PRSS55: variants seen among roughly 807,000 people sequenced by gnomAD.
PRSS55 encodes serine protease 55, also known as probable serine protease UNQ9391/PRO34284.
A neutral mutation model predicts 23.6 loss-of-function variants in PRSS55; 41 were observed. That is an observed-to-expected ratio of 1.74 (90% CI 1.35 to 2.26). PRSS55 has a LOEUF of 2.26. PRSS55 is among the 30% of genes most tolerant of loss of function. The pLI, the probability that PRSS55 is intolerant of heterozygous loss-of-function variation, is 0.00. For missense variants in PRSS55, 669 were observed against 439.1 expected (o/e 1.52, Z -4.68); for synonymous variants, 262 against 175.5 (o/e 1.49, Z -3.90).
chr8:10,550,308 C>A (rs568883068), intron 4 of PRSS55, among the ~76,000 whole-genome samples: 51 of 152,306 alleles, frequency 3.3e-4, no homozygotes, highest in African/African-American at 1.2e-3. Context: ...GGGTCTAGAA[C>A]TCCCAGCTCC....
At chr8:10,551,218 C>A (rs144436922) in intron 4 of PRSS55, among the ~76,000 whole-genome samples, 1 of 152,182 alleles carries the variant, frequency 6.6e-6, no homozygotes, top group African/African-American at 2.4e-5. Flanking sequence ...AGGAAGCAAT[C>A]GGGCACACAG....
At chr8:10,553,283 C>G (rs551982506) in intron 4 of PRSS55, among the ~76,000 whole-genome samples, 1 of 152,182 alleles carries the variant, frequency 6.6e-6, no homozygotes, top group African/African-American at 2.4e-5. Flanking sequence ...TGAGGCCTCT[C>G]CAGTCATGTG....
At chr8:10,553,012 T>C (rs1812984356) in intron 4 of PRSS55, among the ~76,000 whole-genome samples, 2 of 152,252 alleles carry the variant, frequency 1.3e-5, no homozygotes, top group Non-Finnish European at 2.9e-5. Flanking sequence ...AGATGTGGTT[T>C]AGTTCTGTGT....
chr8:10,542,539 T>G (rs1289333858), downstream of PRSS55, among the ~76,000 whole-genome samples: 1 of 152,006 alleles, frequency 6.6e-6, no homozygotes, highest in Admixed American at 6.6e-5. Context: ...ACAATAGTTT[T>G]GTGGTGGGTA....
chr8:10,553,927 A>AT, intron 4 of PRSS55: 1 of 1,471,246 alleles, frequency 6.8e-7, no homozygotes. Context: ...TTGTCAATTT[A>AT]ATTTTTTTTT....
chr8:10,530,494 T>G (rs922206459), intron 2 of PRSS55, among the ~76,000 whole-genome samples: 4 of 151,998 alleles, frequency 2.6e-5, no homozygotes, highest in African/African-American at 9.7e-5. Context: ...AAAAATAAAC[T>G]TTCCTCTATT....
At chr8:10,550,671 C>T (rs775090370) in intron 4 of PRSS55, among the ~76,000 whole-genome samples, 2 of 152,312 alleles carry the variant, frequency 1.3e-5, no homozygotes, top group Admixed American at 6.5e-5. Flanking sequence ...TGCCCCGAGA[C>T]AATGCTTGAT....
chr8:10,547,754 C>T (rs1453454447), intron 4 of PRSS55, among the ~76,000 whole-genome samples: 2 of 134,228 alleles, frequency 1.5e-5, no homozygotes, highest in African/African-American at 5.3e-5. Flanking sequence ...CCGCCCCAGT[C>T]TTGGTGGCTT....
At chr8:10,551,127 A>G (rs1385950036) in intron 4 of PRSS55, among the ~76,000 whole-genome samples, 1 of 152,186 alleles carries the variant, frequency 6.6e-6, no homozygotes, top group Non-Finnish European at 1.5e-5. Flanking sequence ...CTGAGAGGGC[A>G]GTGGAAGGAT....
At chr8:10,531,070 G>A (rs559751762) in intron 2 of PRSS55, among the ~76,000 whole-genome samples, 3 of 151,816 alleles carry the variant, frequency 2.0e-5, no homozygotes, top group East Asian at 2.0e-4. Flanking sequence ...CCCTGATGGT[G>A]CAGTGGTCTG....
chr8:10,546,849 C>G (rs186827374), intron 4 of PRSS55, among the ~76,000 whole-genome samples: 22 of 152,166 alleles, frequency 1.4e-4, no homozygotes, highest in Admixed American at 1.4e-3. Context: ...TCACACCTAG[C>G]TAATTATTTT....
intron 4 of PRSS55, among the ~76,000 whole-genome samples, chr8:10,553,122 T>C (rs968463464): frequency 6.6e-6 from 1 of 152,200 alleles, no homozygotes; most frequent in Non-Finnish European, 1.5e-5. Flanking sequence ...CAGTTTTCCA[T>C]ATGCTATTCT....
chr8:10,527,483 G>A (rs1812072505), intron 1 of PRSS55, among the ~76,000 whole-genome samples: 1 of 152,244 alleles, frequency 6.6e-6, no homozygotes, highest in Non-Finnish European at 1.5e-5. Context: ...ATGCAATGAA[G>A]AAATATAAAG....
intron 4 of PRSS55, among the ~76,000 whole-genome samples, chr8:10,546,549 G>T (rs1453660158): frequency 6.6e-6 from 1 of 152,186 alleles, no homozygotes; most frequent in East Asian, 1.9e-4. Context: ...GCCTCAGGCA[G>T]CTCCAAAGCC....
At chr8:10,540,612 T>C (rs1051241921), downstream of PRSS55, 1 of 151,948 alleles carries the variant, frequency 6.6e-6, no homozygotes, top group Non-Finnish European at 1.5e-5. Context: ...CCAATCGGGA[T>C]CCTGAGGCAG....
At chr8:10,547,526 C>A (rs1812848411) in intron 4 of PRSS55, 1 of 153,128 alleles carries the variant, frequency 6.5e-6, no homozygotes, top group Non-Finnish European at 1.5e-5. Context: ...CTGCCTTCCT[C>A]TTTCTGACAC....
chr8:10,540,545 C>A (rs1048372844), downstream of PRSS55: 1 of 152,138 alleles, frequency 6.6e-6, no homozygotes. Flanking sequence ...AACCCCGTCT[C>A]TACTTTAAAA....
intron 4 of PRSS55, among the ~76,000 whole-genome samples, chr8:10,551,875 C>T (rs563591544): frequency 1.3e-5 from 2 of 152,348 alleles, no homozygotes; most frequent in South Asian, 2.1e-4. Context: ...TAGGAACCAA[C>T]AAATTCTTCC....
At chr8:10,526,859 AG>A (rs1181156491) in intron 1 of PRSS55, among the ~76,000 whole-genome samples, 2 of 152,232 alleles carry the variant, frequency 1.3e-5, no homozygotes, top group Non-Finnish European at 2.9e-5. Context: ...GAATGAAGAA[AG>A]GGGGGTGGGT....
Sources: allele counts gnomAD v4.1 joint callset (sites outside exome capture counted in the v4.1 genomes callset), GRCh38; gene constraint gnomAD v4.1.1; transcripts MANE v1.5; gene names NCBI Gene and HGNC (gene_info 2026-07-23, HGNC 2026-07-21).